The following RTEL1 variants were observed in gnomAD, a reference collection of about 807,000 sequenced individuals.
RTEL1 encodes regulator of telomere length.
A neutral mutation model predicts 162.2 loss-of-function variants in RTEL1; 86 were observed. That is an observed-to-expected ratio of 0.53 (90% confidence interval 0.45 to 0.63). The LOEUF is 0.63. Among genes scored for constraint, RTEL1 ranks in the 30% least tolerant of loss-of-function variants. The pLI is 0.00. For synonymous variants in RTEL1, 958 were observed against 717.9 expected (o/e 1.33, Z -5.35); for missense variants, 1,941 against 1,750.2 (o/e 1.11, Z -1.95).
At chr20:63,658,536 A>C (rs1003924097) in intron 1 of RTEL1, 70 bp downstream of exon 1, 2 of 152,162 alleles carry the variant, frequency 1.3e-5, no homozygotes, top group Non-Finnish European at 2.9e-5. Flanking sequence ...GGTTTTTCGA[A>C]ACTACAGCTC....
intron 9 of RTEL1, 88 bp from the exon 10 acceptor site, chr20:63,673,843 AGCCTCCTGT>A: frequency 7.1e-7 from 1 of 1,405,210 alleles, no homozygotes; most frequent in Admixed American, 2.2e-5. Context: ...CTTGGCTGTC[AGCCTCCTGT>A]GCCTTCTGCA....
rs759657181 is a variant in RTEL1, at chr20:63,661,591, G to A, written c.301+95G>A. Reference sequence around the variant, plus strand: ...GGGTGGGCCCATGGGGACTCCTGCCGTCTCTCAAGCAGAACTCAAGGAGAA... The same window carrying A: ...GGGTGGGCCCATGGGGACTCCTGCCATCTCTCAAGCAGAACTCAAGGAGAA... On this transcript the variant is annotated intron_variant, in intron 3 of 34. Transcript: ENST00000360203. The surrounding 1 kb of genome is among the most constrained non-coding windows in gnomAD (Gnocchi z 5.1). The A allele has an allele frequency of 1.4e-5, 18 of 1,260,086 alleles. No individual in the cohort carries two copies. Among genetic ancestry groups the A allele is most frequent in the African/African-American group, 4.5e-5 (3 of 66,952 alleles). The allele number at this position is 1,260,086 out of a possible 1,614,324, so 78.1% of individuals were successfully genotyped here. A position where few individuals can be genotyped will look rare whatever the true frequency, so the allele number is the denominator to read the frequency against.
At chr20:63,682,898 G>A (rs147961507) in intron 14 of RTEL1, among the ~76,000 whole-genome samples, 95 of 152,358 alleles carry the variant, frequency 6.2e-4, no homozygotes, top group African/African-American at 2.2e-3. Flanking sequence ...GCCCCCGTGA[G>A]ACTGCTGGGT....
At position 63,659,358 on chromosome 20, in the gene RTEL1, C is replaced by T. The variant is rs76322185; in HGVS notation, c.-45C>T. ...GGTTTTTTCGCACAGACCCGAATAGCCTGCCCCTCAGCCACGCTCTGTGCC... is the reference window on the plus strand; with the variant it reads ...GGTTTTTTCGCACAGACCCGAATAGTCTGCCCCTCAGCCACGCTCTGTGCC... On this transcript the variant is annotated 5_prime_UTR_variant, in exon 2 of 35. Coordinates refer to ENST00000360203, the MANE Select transcript of RTEL1 (RefSeq NM_001283009.2). The T allele has an allele frequency of 6.9e-7, 1 of 1,448,784 alleles. No homozygotes were observed. The highest frequency in any genetic ancestry group is 2.3e-5 in the East Asian group (1 of 44,062). The allele number at this position is 1,448,784 out of a possible 1,614,324, so 89.7% of individuals were successfully genotyped here.
chr20:63,689,015 G>GT (rs768249679), intron 21 of RTEL1, 40 bp from the exon 22 acceptor site: 14 of 1,567,042 alleles, frequency 8.9e-6, no homozygotes, highest in Admixed American at 3.3e-5. Context: ...AAGGGGCTGG[G>GT]GGGGGGCTCC....
At chr20:63,682,251 C>T (rs2090491170) in intron 14 of RTEL1, 1 of 985,312 alleles carries the variant, frequency 1.0e-6, no homozygotes, top group Non-Finnish European at 1.2e-6. Context: ...GAAGACTCCA[C>T]ACTCTGGAAC....
At chr20:63,674,580 G>A (rs1461161921) in intron 10 of RTEL1, among the ~76,000 whole-genome samples, 1 of 152,056 alleles carries the variant, frequency 6.6e-6, no homozygotes, top group African/African-American at 2.4e-5. Flanking sequence ...GTGCTCCTGT[G>A]GTCCAAGCTT....
At chr20:63,681,893 C>T (rs918806198) in intron 14 of RTEL1, 22 of 985,392 alleles carry the variant, frequency 2.2e-5, no homozygotes, top group South Asian at 4.7e-5. Flanking sequence ...ACCCCTCTGT[C>T]TGTGGCTCCT....
chr20:63,667,023 T>G (rs879797441), intron 7 of RTEL1, among the ~76,000 whole-genome samples: 9 of 151,748 alleles, frequency 5.9e-5, no homozygotes, highest in South Asian at 4.2e-4. Flanking sequence ...GTATTTTTAG[T>G]AGAGACGGGG....
Position 63,694,838 on chromosome 20 carries a change from G to GA in RTEL1, c.3207_3208insA (p.Ala1070SerfsTer8). 6.2e-7 allele frequency: 1 copy of GA among 1,612,574 alleles called. No homozygotes were observed. Among genetic ancestry groups the GA allele is most frequent in the Non-Finnish European group, 8.5e-7 (1 of 1,179,836 alleles). On this transcript the variant is annotated frameshift_variant, in exon 32 of 35. Coordinates refer to ENST00000360203, the MANE Select transcript of RTEL1 (RefSeq NM_001283009.2). LOFTEE classifies it high-confidence loss of function. ...GCGCCTACCTGGCTGATGCCCGCAG[G>GA]GCCCTGGGGTCCGCGGGCTGTAGCC... is the stretch of plus-strand genomic sequence containing the variant.
At chr20:63,681,857 AG>A in intron 14 of RTEL1, 1 of 985,362 alleles carries the variant, frequency 1.0e-6, no homozygotes, top group Non-Finnish European at 1.2e-6. Flanking sequence ...TCCTCCCCAA[AG>A]GCACGGTGGG....
At chr20:63,692,287 C>A in intron 28 of RTEL1, 1 of 227,030 alleles carries the variant, frequency 4.4e-6, no homozygotes. Flanking sequence ...CCAGGCAGGG[C>A]TGGTGCCATC....
At position 63,695,371 on chromosome 20, in the gene RTEL1, C is replaced by G. The variant is rs748910434; in HGVS notation, c.3543C>G (p.Ile1181Met). Reference protein sequence around the residue: ...SEKTGKTQSKISSFLRQRPAG... With the variant: ...SEKTGKTQSKMSSFLRQRPAG... ...AGACCGGGAAGACCCAGAGCAAGATCTCGTCCTTCCTTAGACAGAGGCCAG... is the reference window on the plus strand; with the variant it reads ...AGACCGGGAAGACCCAGAGCAAGATGTCGTCCTTCCTTAGACAGAGGCCAG... The change falls in exon 34 of 35, where the codon ATC (isoleucine) becomes ATG (methionine). Residue 1181 changes from isoleucine (I) to methionine (M), a missense_variant. By Grantham distance (10) the Ile-to-Met change is conservative (BLOSUM62 1). Transcript: ENST00000360203. The G allele has an allele frequency of 7.1e-6, 11 of 1,548,218 alleles. No homozygotes were observed. Among genetic ancestry groups the G allele is most frequent in the Non-Finnish European group, 8.7e-6 (10 of 1,147,006 alleles).
chr20:63,691,339 G>A (rs1348294778), intron 27 of RTEL1, among the ~76,000 whole-genome samples: 1 of 152,064 alleles, frequency 6.6e-6, no homozygotes, highest in Admixed American at 6.5e-5. Context: ...TTTTGCCCCA[G>A]AAGCCCATAA....
intron 8 of RTEL1, among the ~76,000 whole-genome samples, chr20:63,671,576 G>T (rs1421381398): frequency 2.0e-5 from 3 of 151,532 alleles, no homozygotes; most frequent in African/African-American, 7.3e-5. Flanking sequence ...CTGCCTCCTG[G>T]GTTCACGCCA....
chr20:63,694,299 G>GGCCGGC, intron 30 of RTEL1, 73 bp from the exon 31 acceptor site: 2 of 841,720 alleles, frequency 2.4e-6, no homozygotes, highest in East Asian at 2.8e-5. Flanking sequence ...TCCCTAGCCA[G>GGCCGGC]CCCTGCCCCC....
intron 12 of RTEL1, among the ~76,000 whole-genome samples, chr20:63,679,030 C>T (rs563035296): frequency 6.6e-5 from 10 of 152,322 alleles, no homozygotes; most frequent in African/African-American, 1.4e-4. Flanking sequence ...CCTGTTAGAA[C>T]GAGACCTTCT....
intron 31 of RTEL1, 106 bp from the exon 32 acceptor site, chr20:63,694,635 G>T (rs1601195510): frequency 1.6e-6 from 2 of 1,246,050 alleles, no homozygotes. Context: ...CCCCGCAGTT[G>T]TCCTGAGCAG....
chr20:63,687,812 T>C, intron 17 of RTEL1, 42 bp downstream of exon 17: 1 of 1,555,352 alleles, frequency 6.4e-7, no homozygotes, highest in Non-Finnish European at 8.7e-7. Flanking sequence ...CGGTGACACC[T>C]CTGACATCAG....
Sources: gnomAD v4.1 joint callset for allele counts (sites outside exome capture counted in the v4.1 genomes callset) on GRCh38, gnomAD v4.1.1 for gene constraint, Gnocchi (gnomAD v3.1) non-coding constraint, MANE v1.5 for transcripts, NCBI Gene and HGNC (gene_info 2026-07-23, HGNC 2026-07-21) for gene names.